Variants in PCNA observed in about 807,000 individuals in gnomAD.
PCNA encodes DNA sliding clamp PCNA.
Under a neutral mutation model 27.8 loss-of-function variants are expected in PCNA, and 4 were observed. The observed-to-expected ratio is 0.14, with a 90% CI of 0.07 to 0.33. The LOEUF (loss-of-function observed/expected upper bound fraction) is 0.33, where lower values mean the gene tolerates loss of function less well. Ranked by LOEUF, PCNA falls within the 10% of genes least tolerant of loss-of-function variation. The probability of loss-of-function intolerance (pLI) is 1.00; values close to 1 mark genes in which losing one functional copy is unlikely to be tolerated. For missense variants in PCNA, 165 were observed against 327.4 expected, an observed-to-expected ratio of 0.50 and a Z score of 3.83; for synonymous variants, 121 against 119.4, an observed-to-expected ratio of 1.01 and a Z score of -0.09.
At chr20:5,117,337 A>G in intron 4 of PCNA, 133 bp downstream of exon 4, 1 of 656,978 alleles carries the variant, frequency 1.5e-6, no homozygotes, top group Non-Finnish European at 2.6e-6. Flanking sequence ...TCATTCGCAG[A>G]TTTCAACAGT....
upstream of PCNA, among the ~76,000 whole-genome samples, chr20:5,121,701 T>C (rs962698483): frequency 1.3e-5 from 2 of 152,048 alleles, no homozygotes; most frequent in Non-Finnish European, 2.9e-5. Context: ...AGATGACTAC[T>C]CACTGCCACC....
At chr20:5,125,612 G>A (rs1043894959) in intron 1 of PCNA, among the ~76,000 whole-genome samples, 3 of 152,328 alleles carry the variant, frequency 2.0e-5, no homozygotes, top group Middle Eastern at 3.4e-3. Context: ...AGTGTTATAT[G>A]TGTTTTACAT....
upstream of PCNA, among the ~76,000 whole-genome samples, chr20:5,122,584 A>T (rs983656749): frequency 1.5e-4 from 23 of 152,180 alleles, no homozygotes; most frequent in African/African-American, 5.5e-4. Context: ...TGGACTACCC[A>T]TTTGCATACA....
chr20:5,119,946 G>A lies in PCNA; in HGVS notation c.-148C>T. ...AGACAACGACCACTCTGCTACGCCT[G>A]CAACCGTTTAATGCCGCCGCGTCCG... On this transcript the variant is annotated 5_prime_UTR_variant, in exon 1 of 6. Coordinates refer to ENST00000379143, the MANE Select transcript of PCNA (RefSeq NM_182649.2). 1.5e-6 allele frequency: 1 copy of A among 650,908 alleles called. No individual in the cohort carries two copies. The allele number at this position is 650,908 out of a possible 1,614,324, so 40.3% of individuals were successfully genotyped here. A position where few individuals can be genotyped will look rare whatever the true frequency, so the allele number is the denominator to read the frequency against.
At chr20:5,124,637 A>C (rs2090534880), upstream of PCNA, among the ~76,000 whole-genome samples, 1 of 152,052 alleles carries the variant, frequency 6.6e-6, no homozygotes. Flanking sequence ...TAAAAAAAAA[A>C]AACAAAAAAC....
In PCNA at chr20:5,118,860, G is replaced by C. The variant is rs144755171; in HGVS notation, c.228C>G (p.Ser76=). ...LAMGVNLTSM[S]KILKCAGNED... is the part of the protein sequence containing the mutation. ...CATTGCCGGCGCATTTTAGTATTTT[G>C]GACATACTAGAAGACAGGAGACACA... Residue 76 remains serine, a synonymous_variant, in exon 2 of 6, where the codon TCC becomes TCG. Coordinates refer to ENST00000379143, the MANE Select transcript of PCNA (RefSeq NM_182649.2). 2.3e-5 allele frequency: 37 copies of C among 1,607,292 alleles called. No individual in the cohort carries two copies. The African/African-American group carries it at 4.3e-4, about 19-fold the overall frequency.
At chr20:5,117,687 A>G (rs761698567) in intron 3 of PCNA, 23 bp from the exon 4 acceptor site, 6 of 1,483,566 alleles carry the variant, frequency 4.0e-6, no homozygotes, top group Admixed American at 2.2e-5. Context: ...AAAATTTTCC[A>G]AAAGTTAATT....
intron 4 of PCNA, among the ~76,000 whole-genome samples, chr20:5,116,401 A>G (rs1315150865): frequency 1.3e-5 from 2 of 152,174 alleles, no homozygotes; most frequent in Non-Finnish European, 2.9e-5. Context: ...GAAACAGATA[A>G]AGAATCAGCT....
At position 5,114,998 on chromosome 20, in the gene PCNA, C is replaced by A. The variant is rs1259475241; in HGVS notation, c.*285G>T. The A allele has an allele frequency of 3.9e-6, 1 of 253,908 alleles. No individual in the cohort carries two copies. 15.7% of individuals were successfully genotyped at this position (253,908 alleles called of 1,614,324 possible). A position where few individuals can be genotyped will look rare whatever the true frequency, so the allele number is the denominator to read the frequency against. ...ACTTTATTTAAATTCAAAAACAATT[C>A]TTAAAACTGCATTTAGAGTCAAGAC... On this transcript the variant is annotated 3_prime_UTR_variant, in exon 6 of 6. Coordinates refer to ENST00000379143, the MANE Select transcript of PCNA (RefSeq NM_182649.2).
chr20:5,118,599 C>T lies in PCNA; in HGVS notation c.387+11G>A. 6.3e-7 allele frequency: 1 copy of T among 1,576,622 alleles called. No homozygotes were observed. The highest frequency in any genetic ancestry group is 8.7e-7 in the Non-Finnish European group (1 of 1,147,122). ...GTACAGCACTCTCTACAATGAGAAA[C>T]TGATACTCACTGGAATTCCAAGTTG... On this transcript the variant is annotated intron_variant, in intron 3 of 5. Coordinates refer to ENST00000379143, the MANE Select transcript of PCNA (RefSeq NM_182649.2).
chr20:5,119,561 G>A lies in PCNA; in HGVS notation c.221+17C>T, dbSNP rs748600783. 39 of 1,598,330 alleles carry A rather than the reference G, an allele frequency of 2.4e-5. No homozygotes were observed. The highest frequency in any genetic ancestry group is 3.0e-5 in the Non-Finnish European group (35 of 1,173,528). On this transcript the variant is annotated intron_variant, in intron 1 of 5. Transcript: ENST00000379143. ...GCAGGCGGGCCGGGGCCGGCTTCCC[G>A]GGGCCGCGAGGCTCACCTGGTGAGG...
chr20:5,123,445 A>G (rs1376527082), upstream of PCNA, among the ~76,000 whole-genome samples: 1 of 152,236 alleles, frequency 6.6e-6, no homozygotes, highest in African/African-American at 2.4e-5. Context: ...CTGTAATCCC[A>G]GAACTTTGGG....
upstream of PCNA, among the ~76,000 whole-genome samples, chr20:5,121,969 TTTTC>T (rs1298153598): frequency 3.4e-5 from 5 of 148,860 alleles, no homozygotes; most frequent in Non-Finnish European, 4.5e-5. Context: ...TTCTTTTTTT[TTTTC>T]TTTTTCTTTT....
At chr20:5,116,443 T>C (rs908059742) in intron 4 of PCNA, among the ~76,000 whole-genome samples, 1 of 152,306 alleles carries the variant, frequency 6.6e-6, no homozygotes, top group Non-Finnish European at 1.5e-5. Context: ...AAAAAACCTT[T>C]CAACTGAATT....
chr20:5,117,390 T>G, intron 4 of PCNA, 80 bp downstream of exon 4: 1 of 978,620 alleles, frequency 1.0e-6, no homozygotes, highest in South Asian at 1.7e-5. Flanking sequence ...TTCTGTCTAC[T>G]TTTAATTTTA....
chr20:5,115,108 A>G lies in PCNA; in HGVS notation c.*175T>C. 1 of 533,310 alleles carries G rather than the reference A, an allele frequency of 1.9e-6. No individual in the cohort carries two copies. Among genetic ancestry groups the G allele is most frequent in the Non-Finnish European group, 3.3e-6 (1 of 301,584 alleles). The allele number at this position is 533,310 out of a possible 1,614,324, so 33.0% of individuals were successfully genotyped here. A position where few individuals can be genotyped will look rare whatever the true frequency, so the allele number is the denominator to read the frequency against. On this transcript the variant is annotated 3_prime_UTR_variant, in exon 6 of 6. Coordinates refer to ENST00000379143, the MANE Select transcript of PCNA (RefSeq NM_182649.2). The stretch of plus-strand genomic sequence containing the variant: ...TAGACCAGATCTGACTTTGGACTTT[A>G]TTCTTTAAACAAATTGCAGAGAATA...
rs2090465222 is a variant in PCNA, at chr20:5,115,011, T to A, written c.*272A>T. 3.6e-6 allele frequency: 1 copy of A among 280,988 alleles called. No homozygotes were observed. Among genetic ancestry groups the A allele is most frequent in the Non-Finnish European group, 6.8e-6 (1 of 147,670 alleles). 17.4% of individuals were successfully genotyped at this position (280,988 alleles called of 1,614,324 possible). On this transcript the variant is annotated 3_prime_UTR_variant, in exon 6 of 6. Coordinates refer to ENST00000379143, the MANE Select transcript of PCNA (RefSeq NM_182649.2). ...TCAAAAACAATTCTTAAAACTGCAT[T>A]TAGAGTCAAGACCCTTTTGTATTAT...
upstream of PCNA, among the ~76,000 whole-genome samples, chr20:5,120,993 A>T (rs191600801): frequency 3.7e-3 from 554 of 150,306 alleles, 2 homozygotes; most frequent in African/African-American, 0.01. Context: ...TATTATTATT[A>T]TTTTTTTTTA....
Position 5,115,074 on chromosome 20 carries a change from T to C in PCNA, c.*209A>G, listed in dbSNP as rs1441556742. 4 of 441,762 alleles carry C rather than the reference T, an allele frequency of 9.1e-6. No individual in the cohort carries two copies. Among genetic ancestry groups the C allele is most frequent in the South Asian group, 3.4e-5 (1 of 29,824 alleles). The allele number at this position is 441,762 out of a possible 1,614,324, so 27.4% of individuals were successfully genotyped here. On this transcript the variant is annotated 3_prime_UTR_variant, in exon 6 of 6. Transcript: ENST00000379143. ...TATTTCTAAGAGACAAAAATACTTC[T>C]AGGTTAACTAGACCAGATCTGACTT... is the stretch of plus-strand genomic sequence containing the variant.
Sources: allele counts gnomAD v4.1 joint callset (sites outside exome capture counted in the v4.1 genomes callset), GRCh38; gene constraint gnomAD v4.1.1; transcripts MANE v1.5; gene names NCBI Gene and HGNC (gene_info 2026-07-23, HGNC 2026-07-21).